The following TNS3 variants were observed in gnomAD, a reference collection of about 807,000 sequenced individuals.
TNS3 encodes tensin-3.
TNS3 carries 45 observed loss-of-function variants against 140.9 expected under a neutral mutation model. The ratio of observed to expected loss-of-function variants is 0.32; its 90% confidence interval spans 0.25 to 0.41. The LOEUF (loss-of-function observed/expected upper bound fraction) is 0.41, where lower values mean the gene tolerates loss of function less well. Among genes scored for constraint, TNS3 ranks in the 10% least tolerant of loss-of-function variants. The pLI is 1.00. For missense variants in TNS3, 1,716 were observed against 1,906.7 expected (o/e 0.90, Z 1.86); for synonymous variants, 815 against 788.4 (o/e 1.03, Z -0.56).
chr7:47,361,830 T>G (rs868752101), intron 17 of TNS3, among the ~76,000 whole-genome samples: 2 of 152,128 alleles, frequency 1.3e-5, no homozygotes, highest in African/African-American at 4.8e-5. Flanking sequence ...GAACAGGGCC[T>G]GCCAGGTTGC....
rs546914484 is a variant in TNS3 at position 47,388,702 on chromosome 7, C to G, written c.1024+8098G>C. ...CAACATAGTGAAAACCCCATCTCTACTAAAAATACAAAAATTAGCTGGGCA... is the reference window on the plus strand; with the variant it reads ...CAACATAGTGAAAACCCCATCTCTAGTAAAAATACAAAAATTAGCTGGGCA... On this transcript the variant is annotated intron_variant, in intron 16 of 30. Transcript: ENST00000311160. Among the ~76,000 whole-genome samples, 4 of 152,042 alleles carry G rather than the reference C, an allele frequency of 2.6e-5. No individual in the cohort carries two copies. In the South Asian group the frequency reaches 6.2e-4, roughly 24 times the overall value.
At chr7:47,474,353 C>G (rs1381880994) in intron 4 of TNS3, among the ~76,000 whole-genome samples, 1 of 146,028 alleles carries the variant, frequency 6.8e-6, no homozygotes, top group Non-Finnish European at 1.5e-5. Context: ...CACCTCACAA[C>G]ACACACAAAA....
chr7:47,567,819 T>A (rs1019494242), intron 1 of TNS3, among the ~76,000 whole-genome samples: 1 of 152,132 alleles, frequency 6.6e-6, no homozygotes, highest in Admixed American at 6.5e-5. Context: ...AGATATATCA[T>A]GTTCATGAAC....
chr7:47,483,171 A>ATT lies in TNS3; in HGVS notation c.-114-2032_-114-2031dup, dbSNP rs10716006. Among the ~76,000 whole-genome samples, 149 of 139,518 alleles carry ATT rather than the reference A, an allele frequency of 1.1e-3. 1 individual carries two copies. The highest frequency in any genetic ancestry group is 3.0e-3 in the African/African-American group (116 of 38,944). The allele number at this position is 139,518 out of a possible 152,430, so 91.5% of individuals were successfully genotyped here. On this transcript the variant is annotated intron_variant, in intron 3 of 30. Coordinates refer to ENST00000311160, the MANE Select transcript of TNS3 (RefSeq NM_022748.12). Reference sequence around the variant, plus strand: ...ATGAAGAGGAAGAAGAGTGTGTCCAATTTTTTTTTTTTTTTTGAGACGGAG... The same window carrying ATT: ...ATGAAGAGGAAGAAGAGTGTGTCCAATTTTTTTTTTTTTTTTTTGAGACGGAG...
chr7:47,364,385 T>C (rs2462649), intron 17 of TNS3, among the ~76,000 whole-genome samples: 1 of 150,244 alleles, frequency 6.7e-6, no homozygotes, highest in African/African-American at 2.5e-5. Context: ...TGGGTTCAAG[T>C]GATTCTCCTG....
Position 47,518,251 on chromosome 7 carries a change from C to T in TNS3, c.-153+10785G>A, listed in dbSNP as rs143987714. On this transcript the variant is annotated intron_variant, in intron 2 of 30. Transcript: ENST00000311160. ...GGATAAGGCTCAAGATGCTCCCATT[C>T]GAGACAGAGCAGCCCTCTCTGTGCG... Among the ~76,000 whole-genome samples the T allele has an allele frequency of 1.5e-4, 23 of 152,282 alleles. 1 individual carries two copies. The East Asian group carries it at 4.1e-3, about 27-fold the overall frequency.
intron 20 of TNS3, among the ~76,000 whole-genome samples, chr7:47,340,425 C>A (rs1014355808): frequency 2.6e-5 from 4 of 151,706 alleles, no homozygotes; most frequent in Non-Finnish European, 5.9e-5. Context: ...CGGGCTGTGA[C>A]TTATATTTTT....
At chr7:47,391,708 G>C in intron 16 of TNS3, among the ~76,000 whole-genome samples, 1 of 152,160 alleles carries the variant, frequency 6.6e-6, no homozygotes, top group East Asian at 1.9e-4. Flanking sequence ...TACAAATCCA[G>C]GGACACATAT....
At chr7:47,423,234 T>A (rs1165815507) in intron 10 of TNS3, among the ~76,000 whole-genome samples, 5 of 152,184 alleles carry the variant, frequency 3.3e-5, no homozygotes, top group African/African-American at 7.2e-5. Flanking sequence ...CATTTGGCAA[T>A]CACCTTGGCA....
intron 27 of TNS3, among the ~76,000 whole-genome samples, chr7:47,285,819 A>G (rs2150571195): frequency 6.6e-6 from 1 of 152,358 alleles, no homozygotes; most frequent in East Asian, 1.9e-4. Flanking sequence ...GAAACACATT[A>G]GAAATGAGAG....
At chr7:47,522,248 G>A (rs1799008325) in intron 2 of TNS3, among the ~76,000 whole-genome samples, 1 of 152,222 alleles carries the variant, frequency 6.6e-6, no homozygotes, top group Non-Finnish European at 1.5e-5. Context: ...AGCCTTTGCA[G>A]GCCTAGGGCT....
At chr7:47,349,679 T>C (rs1223677246) in intron 17 of TNS3, among the ~76,000 whole-genome samples, 2 of 152,080 alleles carry the variant, frequency 1.3e-5, no homozygotes, top group African/African-American at 2.4e-5. Flanking sequence ...GGTGTGGAGA[T>C]CCCTTCCTCT....
At chr7:47,391,306 G>A (rs780094159) in intron 16 of TNS3, among the ~76,000 whole-genome samples, 6 of 152,188 alleles carry the variant, frequency 3.9e-5, no homozygotes, top group Non-Finnish European at 8.8e-5. Context: ...AACAACTGAT[G>A]TATATCTGTG....
chr7:47,294,707 C>T (rs1222836829), intron 24 of TNS3, among the ~76,000 whole-genome samples: 1 of 152,200 alleles, frequency 6.6e-6, no homozygotes, highest in Non-Finnish European at 1.5e-5. Context: ...TGTTTATAAA[C>T]ATGACAAATA....
chr7:47,303,845 C>T (rs988776754), intron 21 of TNS3, among the ~76,000 whole-genome samples: 1 of 152,226 alleles, frequency 6.6e-6, no homozygotes, highest in Non-Finnish European at 1.5e-5. Context: ...TGAAGGCCTC[C>T]ACATGCGCAG....
At chr7:47,408,491 A>T (rs1034345272) in intron 13 of TNS3, among the ~76,000 whole-genome samples, 4 of 152,046 alleles carry the variant, frequency 2.6e-5, no homozygotes, top group African/African-American at 9.7e-5. Flanking sequence ...GCTCTTCCAG[A>T]GGGAAGAGGC....
At chr7:47,390,567 C>T (rs1792453830) in intron 16 of TNS3, among the ~76,000 whole-genome samples, 2 of 152,252 alleles carry the variant, frequency 1.3e-5, no homozygotes, top group Non-Finnish European at 2.9e-5. Flanking sequence ...AAGGTATCCA[C>T]TTAAAGTGGC....
intron 23 of TNS3, among the ~76,000 whole-genome samples, chr7:47,299,868 G>A (rs899130613): frequency 6.6e-6 from 1 of 152,238 alleles, no homozygotes; most frequent in African/African-American, 2.4e-5. Context: ...CTCACCTGGA[G>A]ACAGGGATGA....
At chr7:47,527,547 C>T (rs1229327919) in intron 2 of TNS3, among the ~76,000 whole-genome samples, 6 of 152,200 alleles carry the variant, frequency 3.9e-5, no homozygotes, top group Non-Finnish European at 7.3e-5. Flanking sequence ...ACTGGACAAG[C>T]TATGCAGGGG....
Sources: gnomAD v4.1 joint callset for allele counts (sites outside exome capture counted in the v4.1 genomes callset) on GRCh38, gnomAD v4.1.1 for gene constraint, MANE v1.5 for transcripts, NCBI Gene and HGNC (gene_info 2026-07-23, HGNC 2026-07-21) for gene names.